ESRRB: variants seen among roughly 807,000 people sequenced by gnomAD.
The protein encoded by ESRRB is steroid hormone receptor ERR2.
ESRRB carries 16 observed loss-of-function variants against 46.0 expected under a neutral mutation model. The observed-to-expected ratio is 0.35, with a 90% CI of 0.24 to 0.53. ESRRB has a LOEUF of 0.53. ESRRB is among the 20% of genes least tolerant of loss of function. The probability of loss-of-function intolerance (pLI) is 0.93; values close to 1 mark genes in which losing one functional copy is unlikely to be tolerated. For synonymous variants in ESRRB, 246 were observed against 259.6 expected (o/e 0.95, Z 0.50); for missense variants, 488 against 607.4 (o/e 0.80, Z 2.07).
At chr14:76,481,974 G>A in intron 3 of ESRRB, 42 bp from the exon 4 acceptor site, 1 of 1,581,352 alleles carries the variant, frequency 6.3e-7, no homozygotes, top group Non-Finnish European at 8.7e-7. Flanking sequence ...CCCTGGTGAT[G>A]TTGAACAACT....
chr14:76,476,408 T>C (rs1889586967), intron 3 of ESRRB, among the ~76,000 whole-genome samples: 1 of 152,168 alleles, frequency 6.6e-6, no homozygotes, highest in African/African-American at 2.4e-5. Flanking sequence ...TAGACAGTAA[T>C]TGTAAGTTAA....
At chr14:76,323,279 G>A (rs1217210772) in intron 1 of ESRRB, among the ~76,000 whole-genome samples, 1 of 148,978 alleles carries the variant, frequency 6.7e-6, no homozygotes, top group African/African-American at 2.5e-5. Context: ...AGAGTCCCCA[G>A]TTTTTGGTCT....
intron 3 of ESRRB, among the ~76,000 whole-genome samples, chr14:76,467,711 C>G (rs1427990714): frequency 6.6e-6 from 1 of 152,068 alleles, no homozygotes; most frequent in Admixed American, 6.6e-5. Flanking sequence ...GGATGGGCAG[C>G]TCCCCTGGTA....
At position 76,501,457 on chromosome 14, in the gene ESRRB, T is replaced by A. The variant is rs1435443015; in HGVS notation, c.*2999T>A. The A allele has an allele frequency of 6.6e-6, 1 of 151,712 alleles. No individual in the cohort carries two copies. The highest frequency in any genetic ancestry group is 1.5e-5 in the Non-Finnish European group (1 of 68,046). 9.4% of individuals were successfully genotyped at this position (151,712 alleles called of 1,614,324 possible). A position where few individuals can be genotyped will look rare whatever the true frequency, so the allele number is the denominator to read the frequency against. Reference sequence around the variant, plus strand: ...GCAGCGCCTTAGAGGAGCTGGAACCTGCACCCACCTGTGTCGGTGGGGGGG... The same window carrying A: ...GCAGCGCCTTAGAGGAGCTGGAACCAGCACCCACCTGTGTCGGTGGGGGGG... On this transcript the variant is annotated 3_prime_UTR_variant, in exon 7 of 7. Coordinates refer to ENST00000644823, the MANE Select transcript of ESRRB (RefSeq NM_001379180.1).
intron 1 of ESRRB, among the ~76,000 whole-genome samples, chr14:76,396,779 G>C (rs183785495): frequency 6.6e-6 from 1 of 152,334 alleles, no homozygotes; most frequent in East Asian, 1.9e-4. Flanking sequence ...TCAACTTCCG[G>C]AGGCTCAACT....
intron 1 of ESRRB, among the ~76,000 whole-genome samples, chr14:76,311,576 T>C (rs1452068978): frequency 6.6e-6 from 1 of 152,246 alleles, no homozygotes; most frequent in East Asian, 1.9e-4. Flanking sequence ...CAGGCTGTCA[T>C]TGGCTCCCTC....
At chr14:76,387,689 G>A (rs145342328) in intron 1 of ESRRB, among the ~76,000 whole-genome samples, 1 of 152,326 alleles carries the variant, frequency 6.6e-6, no homozygotes, top group African/African-American at 2.4e-5. Context: ...ATGACCTCCA[G>A]CTGCTGAATA....
At chr14:76,402,083 C>A (rs1885969213) in intron 1 of ESRRB, among the ~76,000 whole-genome samples, 1 of 152,188 alleles carries the variant, frequency 6.6e-6, no homozygotes, top group African/African-American at 2.4e-5. Flanking sequence ...GATTTTATTT[C>A]TCTTGGGAGA....
At chr14:76,446,688 C>A (rs1057081250) in intron 2 of ESRRB, among the ~76,000 whole-genome samples, 2 of 152,182 alleles carry the variant, frequency 1.3e-5, no homozygotes, top group Non-Finnish European at 2.9e-5. Flanking sequence ...TGATTAATAT[C>A]TTTCTGGTTA....
intron 1 of ESRRB, among the ~76,000 whole-genome samples, chr14:76,402,891 G>T (rs1247107765): frequency 1.3e-5 from 2 of 151,898 alleles, no homozygotes; most frequent in Non-Finnish European, 2.9e-5. Flanking sequence ...GTCTTGCTCT[G>T]TCACCTAGGC....
rs562492036 is a variant in ESRRB, at chr14:76,456,896, A to G, written c.461-5649A>G. On this transcript the variant is annotated intron_variant, in intron 2 of 6. Transcript: ENST00000644823. The stretch of plus-strand genomic sequence containing the variant: ...GGTCCCTGTCTCCAGAGGTGTGTAA[A>G]TAAGGGAGTGGAACTGAGTGACCAT... Among the ~76,000 whole-genome samples, 23 of 152,302 alleles carry G rather than the reference A, an allele frequency of 1.5e-4. 1 individual carries two copies. In the South Asian group the frequency reaches 4.8e-3, roughly 32 times the overall value.
chr14:76,364,400 C>T (rs1185604293), intron 1 of ESRRB, among the ~76,000 whole-genome samples: 1 of 151,990 alleles, frequency 6.6e-6, no homozygotes, highest in Non-Finnish European at 1.5e-5. Context: ...TTAAAAATGT[C>T]CTAAGGGGCC....
intron 1 of ESRRB, among the ~76,000 whole-genome samples, chr14:76,327,615 G>C (rs1379912516): frequency 6.6e-6 from 1 of 152,110 alleles, no homozygotes; most frequent in East Asian, 1.9e-4. Flanking sequence ...ATGGGCCCTG[G>C]GGAGTTAAAT....
intron 1 of ESRRB, among the ~76,000 whole-genome samples, chr14:76,435,568 G>A (rs1425626250): frequency 6.6e-6 from 1 of 152,224 alleles, no homozygotes; most frequent in African/African-American, 2.4e-5. Flanking sequence ...GGTGGCTCAC[G>A]CCTGTAATCC....
At chr14:76,431,009 G>A (rs927538221) in intron 1 of ESRRB, among the ~76,000 whole-genome samples, 15 of 152,326 alleles carry the variant, frequency 9.8e-5, no homozygotes, top group African/African-American at 3.6e-4. Context: ...GTAAAAAACA[G>A]TGAGAGGCCG....
chr14:76,500,149 G>A lies in ESRRB; in HGVS notation c.*1691G>A. 4.1e-6 allele frequency: 5 copies of A among 1,230,366 alleles called. No individual in the cohort carries two copies. Among genetic ancestry groups the A allele is most frequent in the Non-Finnish European group, 5.7e-6 (5 of 876,506 alleles). 76.2% of individuals were successfully genotyped at this position (1,230,366 alleles called of 1,614,324 possible). ...AGGAACCTCCCGGCCTGGGCTTCTG[G>A]GCTGGGACGTGCTGAGGTCATCCCA... On this transcript the variant is annotated 3_prime_UTR_variant, in exon 7 of 7. Coordinates refer to ENST00000644823, the MANE Select transcript of ESRRB (RefSeq NM_001379180.1).
chr14:76,395,137 T>C (rs1885622275), intron 1 of ESRRB, among the ~76,000 whole-genome samples: 1 of 151,930 alleles, frequency 6.6e-6, no homozygotes, highest in Non-Finnish European at 1.5e-5. Flanking sequence ...GAGGAGGAGA[T>C]AGAGAGGTAA....
intron 1 of ESRRB, among the ~76,000 whole-genome samples, chr14:76,343,058 T>A (rs1884210712): frequency 6.6e-6 from 1 of 152,170 alleles, no homozygotes; most frequent in South Asian, 2.1e-4. Flanking sequence ...GGAGGGCCTC[T>A]CAGAACTTCT....
At chr14:76,388,880 C>T (rs1007775237) in intron 1 of ESRRB, among the ~76,000 whole-genome samples, 4 of 152,184 alleles carry the variant, frequency 2.6e-5, no homozygotes, top group South Asian at 2.1e-4. Flanking sequence ...ATTCTCTTAT[C>T]GCCCATTCTC....
Sources: allele counts gnomAD v4.1 joint callset (sites outside exome capture counted in the v4.1 genomes callset), GRCh38; gene constraint gnomAD v4.1.1; transcripts MANE v1.5; gene names NCBI Gene and HGNC (gene_info 2026-07-23, HGNC 2026-07-21).